Variants in ATP6V0E1 observed in about 807,000 individuals in gnomAD.
ATP6V0E1 encodes the protein ATPase H+ transporting V0 subunit e1.
A neutral mutation model predicts 11.6 loss-of-function variants in ATP6V0E1; 4 were observed. The observed-to-expected ratio is 0.35, with a 90% CI of 0.17 to 0.79. ATP6V0E1 has a LOEUF of 0.79. ATP6V0E1 is among the 30% of genes least tolerant of loss of function. The pLI is 0.54. For synonymous variants in ATP6V0E1, 36 were observed against 34.8 expected (o/e 1.04, Z -0.13); for missense variants, 105 against 100.0 (o/e 1.05, Z -0.21).
chr5:173,007,903 C>T (rs897959536), intron 2 of ATP6V0E1, among the ~76,000 whole-genome samples: 3 of 152,176 alleles, frequency 2.0e-5, no homozygotes, highest in Non-Finnish European at 2.9e-5. Context: ...TGTCCCCATA[C>T]GAGCAGGAGG....
At chr5:173,002,071 A>G (rs1443353694) in intron 2 of ATP6V0E1, among the ~76,000 whole-genome samples, 1 of 152,192 alleles carries the variant, frequency 6.6e-6, no homozygotes, top group East Asian at 1.9e-4. Flanking sequence ...CCCACCTTCA[A>G]AAATGATCAA....
chr5:172,984,982 C>G (rs1156842770), intron 1 of ATP6V0E1, among the ~76,000 whole-genome samples: 5 of 152,198 alleles, frequency 3.3e-5, no homozygotes, highest in African/African-American at 1.2e-4. Context: ...TGCCGTGGCT[C>G]ACGCCTGTAA....
At chr5:172,994,529 A>G (rs2113583346) in intron 1 of ATP6V0E1, among the ~76,000 whole-genome samples, 1 of 152,242 alleles carries the variant, frequency 6.6e-6, no homozygotes, top group South Asian at 2.1e-4. Context: ...ATAAATTTGG[A>G]TTGGACAGCT....
At chr5:173,018,158 C>A (rs1384397148) in intron 2 of ATP6V0E1, among the ~76,000 whole-genome samples, 1 of 152,166 alleles carries the variant, frequency 6.6e-6, no homozygotes, top group Admixed American at 6.5e-5. Context: ...TGATCAGGAG[C>A]TTTACCAATA....
At chr5:173,034,251 T>G in intron 3 of ATP6V0E1, 148 bp from the exon 4 acceptor site, 1 of 649,662 alleles carries the variant, frequency 1.5e-6, no homozygotes, top group Non-Finnish European at 2.8e-6. Context: ...CTGGCCAAAC[T>G]TGCACCAAGT....
intron 3 of ATP6V0E1, among the ~76,000 whole-genome samples, chr5:173,026,613 T>C (rs1756561808): frequency 6.6e-6 from 1 of 152,222 alleles, no homozygotes. Context: ...CACTGAACAA[T>C]ATATGCTAGA....
chr5:173,006,470 C>T lies in ATP6V0E1; in HGVS notation c.152+11648C>T, dbSNP rs568917135. Among the ~76,000 whole-genome samples the T allele has an allele frequency of 1.6e-4, 24 of 152,134 alleles. 1 individual carries two copies. The East Asian group carries it at 2.7e-3, about 17-fold the overall frequency. On this transcript the variant is annotated intron_variant, in intron 2 of 3. Coordinates refer to ENST00000519374, the MANE Select transcript of ATP6V0E1 (RefSeq NM_003945.4). ...CTAAAAATACAAAAAATTAGCCAGG[C>T]GTGGTGGTGGGCGCCTGTAGTCCCA...
intron 3 of ATP6V0E1, among the ~76,000 whole-genome samples, chr5:173,027,967 T>G (rs189894960): frequency 3.2e-4 from 48 of 152,288 alleles, no homozygotes; most frequent in African/African-American, 1.1e-3. Flanking sequence ...CCTTTGACAC[T>G]AAATAACACT....
At chr5:173,030,015 A>T (rs541468231) in intron 3 of ATP6V0E1, among the ~76,000 whole-genome samples, 1 of 152,050 alleles carries the variant, frequency 6.6e-6, no homozygotes, top group African/African-American at 2.4e-5. Context: ...TAGTAAATAC[A>T]CTCTCCCGTG....
At chr5:173,017,966 G>A (rs1166805860) in intron 2 of ATP6V0E1, among the ~76,000 whole-genome samples, 1 of 152,050 alleles carries the variant, frequency 6.6e-6, no homozygotes, top group African/African-American at 2.4e-5. Context: ...AGGTTGGTTG[G>A]GCTTGTTTAC....
chr5:172,993,135 T>C (rs1017360326), intron 1 of ATP6V0E1, among the ~76,000 whole-genome samples: 2 of 152,202 alleles, frequency 1.3e-5, no homozygotes, highest in African/African-American at 4.8e-5. Context: ...TTTCCTGTTC[T>C]CTCCTCAGAC....
chr5:173,033,701 G>A lies in ATP6V0E1; in HGVS notation c.*37-698G>A, dbSNP rs367892044. Among the ~76,000 whole-genome samples the A allele has an allele frequency of 1.1e-4, 16 of 152,082 alleles. No individual in the cohort carries two copies. In the East Asian group the frequency reaches 2.7e-3, roughly 26 times the overall value. The stretch of plus-strand genomic sequence containing the variant: ...CTACAAAAAAATATAAAAATTAGCC[G>A]AATGTGTTGGCGTGCACCTGTAGTT... On this transcript the variant is annotated intron_variant, in intron 3 of 3. Transcript: ENST00000519374.
intron 3 of ATP6V0E1, among the ~76,000 whole-genome samples, chr5:173,025,504 C>CTTTTTTTTTTT (rs60822937): frequency 2.0e-4 from 13 of 65,570 alleles, no homozygotes; most frequent in Non-Finnish European, 3.3e-4. Flanking sequence ...ATATAAAATA[C>CTTTTTTTTTTT]TTTTTTTTTT....
chr5:172,989,699 G>A (rs1353862636), intron 1 of ATP6V0E1, among the ~76,000 whole-genome samples: 1 of 151,786 alleles, frequency 6.6e-6, no homozygotes, highest in Non-Finnish European at 1.5e-5. Context: ...GCTCATTTTT[G>A]TATTTTTTAG....
chr5:173,032,293 A>C (rs1253369467), intron 3 of ATP6V0E1, among the ~76,000 whole-genome samples: 2 of 143,942 alleles, frequency 1.4e-5, no homozygotes, highest in African/African-American at 2.6e-5. Flanking sequence ...TTATTTATTT[A>C]TTTATTTATT....
At chr5:173,023,737 C>T (rs1581635845) in intron 3 of ATP6V0E1, among the ~76,000 whole-genome samples, 1 of 151,838 alleles carries the variant, frequency 6.6e-6, no homozygotes, top group Non-Finnish European at 1.5e-5. Context: ...TCCAGCTATT[C>T]AGGAGGTTGA....
intron 1 of ATP6V0E1, among the ~76,000 whole-genome samples, chr5:172,990,086 C>T (rs1404398274): frequency 6.6e-6 from 1 of 152,148 alleles, no homozygotes; most frequent in East Asian, 1.9e-4. Context: ...AGTCCTCCCA[C>T]CTCAGCCAAC....
At chr5:172,986,471 T>A (rs1755899024) in intron 1 of ATP6V0E1, among the ~76,000 whole-genome samples, 1 of 151,882 alleles carries the variant, frequency 6.6e-6, no homozygotes, top group Non-Finnish European at 1.5e-5. Context: ...AAATTTTTTT[T>A]AATTAGTTGG....
chr5:173,031,492 C>T (rs1429354590), intron 3 of ATP6V0E1, among the ~76,000 whole-genome samples: 1 of 151,384 alleles, frequency 6.6e-6, no homozygotes, highest in Non-Finnish European at 1.5e-5. Context: ...GCCCCACCCC[C>T]AGTCAGCTAT....
Sources: gnomAD v4.1 joint callset for allele counts (sites outside exome capture counted in the v4.1 genomes callset) on GRCh38, gnomAD v4.1.1 for gene constraint, MANE v1.5 for transcripts, NCBI Gene and HGNC (gene_info 2026-07-23, HGNC 2026-07-21) for gene names.